The following SLC16A2 variants were observed in gnomAD, a reference collection of about 807,000 sequenced individuals.
SLC16A2 encodes the protein monocarboxylate transporter 8.
SLC16A2 carries 3 observed loss-of-function variants against 27.2 expected under a neutral mutation model. The ratio of observed to expected loss-of-function variants is 0.11; its 90% CI spans 0.05 to 0.28. The LOEUF is 0.28. SLC16A2 is among the 10% of genes least tolerant of loss of function. The pLI, the probability that SLC16A2 is intolerant of heterozygous loss-of-function variation, is 1.00. For synonymous variants in SLC16A2, 202 were observed against 187.8 expected, an observed-to-expected ratio of 1.08 and a Z score of -0.62; for missense variants, 295 against 458.5, an observed-to-expected ratio of 0.64 and a Z score of 3.26.
intron 1 of SLC16A2, among the ~76,000 whole-genome samples, chrX:74,439,169 T>TTTCTTTCTTTCTTTCTTTCTTTC (rs1569284627): frequency 1.1e-5 from 1 of 91,005 alleles, no homozygotes; most frequent in Non-Finnish European, 2.1e-5. Context: ...TCTTTCTTTC[T>TTTCTTTCTTTCTTTCTTTCTTTC]TTCTTTCTTT....
intron 1 of SLC16A2, among the ~76,000 whole-genome samples, chrX:74,440,326 G>A (rs999182290): frequency 3.6e-5 from 4 of 111,056 alleles, no homozygotes; most frequent in Non-Finnish European, 7.5e-5. Flanking sequence ...AGAACAAATC[G>A]CTCCAGCTTG....
intron 1 of SLC16A2, among the ~76,000 whole-genome samples, chrX:74,446,282 G>C (rs1928835923): frequency 9.0e-6 from 1 of 111,156 alleles, no homozygotes; most frequent in Admixed American, 9.6e-5. Context: ...TCACACATTG[G>C]TCCTGTCCTT....
chrX:74,438,108 C>T (rs763079352), intron 1 of SLC16A2, among the ~76,000 whole-genome samples: 7 of 112,444 alleles, frequency 6.2e-5, no homozygotes, highest in Non-Finnish European at 1.3e-4. Context: ...TTCAACTCTC[C>T]TTTGCCTCAC....
At chrX:74,503,200 C>A (rs764696320) in intron 1 of SLC16A2, among the ~76,000 whole-genome samples, 20 of 110,520 alleles carry the variant, frequency 1.8e-4, no homozygotes, top group Admixed American at 1.9e-4. Context: ...TCAAATCCCT[C>A]TTGTTCTAAA....
chrX:74,464,695 G>C (rs935142853), intron 1 of SLC16A2, among the ~76,000 whole-genome samples: 6 of 111,545 alleles, frequency 5.4e-5, no homozygotes, highest in Admixed American at 9.6e-5. Context: ...CCATAAGTGG[G>C]CAAGAGACAC....
intron 1 of SLC16A2, among the ~76,000 whole-genome samples, chrX:74,437,018 T>A (rs925675083): frequency 8.9e-6 from 1 of 112,492 alleles, no homozygotes; most frequent in Non-Finnish European, 1.9e-5. Flanking sequence ...TGCTCCTCCC[T>A]ATGCTCTGGA....
chrX:74,449,301 C>G (rs1223672321), intron 1 of SLC16A2, among the ~76,000 whole-genome samples: 1 of 111,808 alleles, frequency 8.9e-6, no homozygotes, highest in Non-Finnish European at 1.9e-5. Context: ...CACAACCTTT[C>G]TGTTCTAATT....
intron 1 of SLC16A2, among the ~76,000 whole-genome samples, chrX:74,481,201 T>C (rs1193802184): frequency 3.6e-5 from 4 of 112,395 alleles, no homozygotes; most frequent in African/African-American, 1.3e-4. Context: ...TATTCTTTTC[T>C]TGTGATATCT....
intron 1 of SLC16A2, among the ~76,000 whole-genome samples, chrX:74,503,429 A>G (rs1930071813): frequency 9.0e-6 from 1 of 111,546 alleles, no homozygotes; most frequent in Admixed American, 9.5e-5. Flanking sequence ...GGGAGTCTGG[A>G]GCAAGCTGTT....
intron 1 of SLC16A2, among the ~76,000 whole-genome samples, chrX:74,435,554 T>TATATATA (rs1491092189): frequency 3.9e-5 from 3 of 76,249 alleles, no homozygotes; most frequent in African/African-American, 6.2e-5. Context: ...TATATATATA[T>TATATATA]TTTTTTTTTT....
chrX:74,495,631 A>G (rs1271398972), intron 1 of SLC16A2, among the ~76,000 whole-genome samples: 1 of 107,320 alleles, frequency 9.3e-6, no homozygotes, highest in East Asian at 2.9e-4. Flanking sequence ...TTATCTATAC[A>G]ATGAAGGGGC....
At chrX:74,465,246 C>A (rs918290991) in intron 1 of SLC16A2, among the ~76,000 whole-genome samples, 2 of 111,537 alleles carry the variant, frequency 1.8e-5, no homozygotes, top group Non-Finnish European at 3.8e-5. Context: ...TATATGGAAA[C>A]GAAGGATGAC....
At chrX:74,470,285 C>T (rs369272639) in intron 1 of SLC16A2, among the ~76,000 whole-genome samples, 2 of 112,386 alleles carry the variant, frequency 1.8e-5, no homozygotes, top group East Asian at 5.6e-4. Flanking sequence ...CAATAATGTG[C>T]AGGGTTTTTT....
chrX:74,422,047 GCC>G lies in SLC16A2; in HGVS notation c.411_412del (p.Gln138SerfsTer28). On this transcript the variant is annotated frameshift_variant, in exon 1 of 6. Transcript: ENST00000587091. LOFTEE classifies it high-confidence loss of function. ...CTAGAGGAGGAAAAGGAAAAAAATC[GCC>G]AAGTGGAGTTCCAAGCAGGTGAGTG... is the stretch of plus-strand genomic sequence containing the variant. 8.3e-7 allele frequency: 1 copy of G among 1,209,090 alleles called. No homozygotes were observed.
intron 1 of SLC16A2, among the ~76,000 whole-genome samples, chrX:74,493,849 C>T (rs998861305): frequency 1.8e-5 from 2 of 111,539 alleles, no homozygotes; most frequent in Non-Finnish European, 3.8e-5. Flanking sequence ...GAGTAAACCA[C>T]GGAAAGTGGG....
intron 1 of SLC16A2, among the ~76,000 whole-genome samples, chrX:74,442,190 T>C (rs994786270): frequency 1.4e-4 from 14 of 97,025 alleles, no homozygotes; most frequent in Admixed American, 1.4e-3. Context: ...ATCACGCCAT[T>C]GCACTCCAGC....
At chrX:74,507,569 A>C (rs1002417333) in intron 1 of SLC16A2, among the ~76,000 whole-genome samples, 2 of 112,138 alleles carry the variant, frequency 1.8e-5, no homozygotes, top group East Asian at 2.8e-4. Context: ...TGATACCTGC[A>C]CTCATATGTT....
At chrX:74,528,274 G>A (rs1179688546) in intron 4 of SLC16A2, among the ~76,000 whole-genome samples, 2 of 110,882 alleles carry the variant, frequency 1.8e-5, no homozygotes, top group Non-Finnish European at 3.8e-5. Context: ...GCGGGATGGG[G>A]GCAGGGTTCC....
At chrX:74,494,558 T>C (rs915701807) in intron 1 of SLC16A2, among the ~76,000 whole-genome samples, 23 of 111,561 alleles carry the variant, frequency 2.1e-4, no homozygotes, top group African/African-American at 6.9e-4. Flanking sequence ...GGAGGGTTCA[T>C]GTTATGGTGT....
Sources: gnomAD v4.1 joint callset for allele counts (sites outside exome capture counted in the v4.1 genomes callset) on GRCh38, gnomAD v4.1.1 for gene constraint, MANE v1.5 for transcripts, NCBI Gene and HGNC (gene_info 2026-07-23, HGNC 2026-07-21) for gene names.